The following SLC24A2 variants were observed in gnomAD, a reference collection of about 807,000 sequenced individuals.
SLC24A2 encodes the protein sodium/potassium/calcium exchanger 2.
A neutral mutation model predicts 62.0 loss-of-function variants in SLC24A2; 36 were observed. The observed-to-expected ratio is 0.58, with a 90% confidence interval of 0.44 to 0.77. The LOEUF (loss-of-function observed/expected upper bound fraction) is 0.77. Among genes scored for constraint, SLC24A2 ranks in the 30% least tolerant of loss-of-function variants. The probability of loss-of-function intolerance (pLI) is 0.00; values close to 1 mark genes in which losing one functional copy is unlikely to be tolerated. For missense variants in SLC24A2, 846 were observed against 817.9 expected (o/e 1.03, Z -0.42); for synonymous variants, 358 against 294.0 (o/e 1.22, Z -2.23).
At chr9:20,174,651 A>G in the SLC24A2 span, among the ~76,000 whole-genome samples, 36,661 of 151,988 alleles carry the variant, frequency 0.24, 5,330 homozygotes, top group African/African-American at 0.41. Flanking sequence ...CCACAATGCA[A>G]TACCGCCTTA....
chr9:19,644,281 G>A (rs1818581237), intron 2 of SLC24A2, among the ~76,000 whole-genome samples: 1 of 152,206 alleles, frequency 6.6e-6, no homozygotes, highest in African/African-American at 2.4e-5. Context: ...TCCAATTCAT[G>A]TGAATGCAGG....
the SLC24A2 span, among the ~76,000 whole-genome samples, chr9:19,943,662 T>A: frequency 2.0e-5 from 3 of 152,348 alleles, no homozygotes; most frequent in Admixed American, 2.0e-4. Flanking sequence ...TCTGCTAATC[T>A]ATCTGTATTT....
At chr9:20,050,597 C>G in the SLC24A2 span, among the ~76,000 whole-genome samples, 1 of 152,120 alleles carries the variant, frequency 6.6e-6, no homozygotes, top group Non-Finnish European at 1.5e-5. Flanking sequence ...ATGACTTTAT[C>G]CTCACATCAA....
At chr9:19,866,921 C>T in the SLC24A2 span, among the ~76,000 whole-genome samples, 1 of 151,734 alleles carries the variant, frequency 6.6e-6, no homozygotes, top group East Asian at 1.9e-4. Context: ...GGGAAGGGTA[C>T]TGGGGGGGTT....
the SLC24A2 span, among the ~76,000 whole-genome samples, chr9:20,217,152 G>C: frequency 1.3e-5 from 2 of 152,174 alleles, no homozygotes; most frequent in Admixed American, 6.5e-5. Flanking sequence ...TGAAAAATCT[G>C]TACCTACACT....
intron 4 of SLC24A2, among the ~76,000 whole-genome samples, chr9:19,610,682 A>G (rs932575453): frequency 5.3e-5 from 8 of 152,024 alleles, no homozygotes; most frequent in African/African-American, 1.7e-4. Flanking sequence ...TGCTGGTACT[A>G]TACAATGGTG....
rs371344977 is a variant in SLC24A2, at chr9:19,586,835, T to G, written c.1130-9813A>C. ...TCAATCTCATATATACAGATACAAA[T>G]GGCTCACACAAAGAAATTCTCAGAG... On this transcript the variant is annotated intron_variant, in intron 5 of 10. Transcript: ENST00000341998. Among the ~76,000 whole-genome samples the G allele has an allele frequency of 3.3e-5, 5 of 152,298 alleles. No homozygotes were observed. The East Asian group carries it at 7.7e-4, about 24-fold the overall frequency.
At chr9:19,815,711 A>G in the SLC24A2 span, among the ~76,000 whole-genome samples, 1 of 152,108 alleles carries the variant, frequency 6.6e-6, no homozygotes, top group East Asian at 1.9e-4. Context: ...AAATTCTTTC[A>G]TATATATGGT....
At chr9:19,924,090 C>T in the SLC24A2 span, among the ~76,000 whole-genome samples, 27 of 152,152 alleles carry the variant, frequency 1.8e-4, no homozygotes, top group African/African-American at 6.0e-4. Context: ...GTGTTCACTC[C>T]GTTATGCCAC....
chr9:20,290,869 C>A, the SLC24A2 span, among the ~76,000 whole-genome samples: 1 of 152,278 alleles, frequency 6.6e-6, no homozygotes, highest in East Asian at 1.9e-4. Flanking sequence ...CCAGGAGGCA[C>A]AGATAAGGTA....
At chr9:20,038,251 T>G in the SLC24A2 span, among the ~76,000 whole-genome samples, 1 of 152,178 alleles carries the variant, frequency 6.6e-6, no homozygotes, top group Non-Finnish European at 1.5e-5. Flanking sequence ...AAGCTTCAAT[T>G]TCTTTGTCTG....
At chr9:19,886,111 C>T in the SLC24A2 span, among the ~76,000 whole-genome samples, 1 of 152,152 alleles carries the variant, frequency 6.6e-6, no homozygotes, top group Non-Finnish European at 1.5e-5. Context: ...TTGGTATAGA[C>T]CTAATAATAC....
the SLC24A2 span, among the ~76,000 whole-genome samples, chr9:19,897,616 T>A: frequency 1.3e-5 from 2 of 152,214 alleles, no homozygotes; most frequent in Non-Finnish European, 1.5e-5. Context: ...TATATTTGAT[T>A]TTTTAAAGTT....
chr9:19,737,423 G>A (rs1447062043), intron 2 of SLC24A2, among the ~76,000 whole-genome samples: 1 of 151,988 alleles, frequency 6.6e-6, no homozygotes, highest in Non-Finnish European at 1.5e-5. Context: ...TGTGAATGAT[G>A]GTGTCATAAA....
chr9:20,108,186 T>C, the SLC24A2 span, among the ~76,000 whole-genome samples: 1 of 151,960 alleles, frequency 6.6e-6, no homozygotes, highest in Admixed American at 6.6e-5. Context: ...ATCATTAAAA[T>C]TTCAGGAAAC....
the SLC24A2 span, among the ~76,000 whole-genome samples, chr9:19,898,099 C>T: frequency 1.3e-5 from 2 of 152,114 alleles, no homozygotes; most frequent in Non-Finnish European, 2.9e-5. Context: ...TAGAATAATC[C>T]GTAGCCACTT....
At chr9:19,825,314 C>G in the SLC24A2 span, among the ~76,000 whole-genome samples, 14 of 152,206 alleles carry the variant, frequency 9.2e-5, no homozygotes, top group Non-Finnish European at 1.8e-4. Context: ...TTTATTTTGC[C>G]TGGAGTAATT....
the SLC24A2 span, among the ~76,000 whole-genome samples, chr9:20,161,553 T>TG: frequency 1.3e-5 from 2 of 151,416 alleles, no homozygotes; most frequent in Non-Finnish European, 3.0e-5. Flanking sequence ...ATCTAAGGGA[T>TG]GAAAGGATGG....
chr9:20,218,518 TA>T, the SLC24A2 span, among the ~76,000 whole-genome samples: 1 of 152,166 alleles, frequency 6.6e-6, no homozygotes, highest in Non-Finnish European at 1.5e-5. Context: ...GTCTCTACTC[TA>T]TATCTAGAAT....
Sources: allele counts gnomAD v4.1 joint callset (sites outside exome capture counted in the v4.1 genomes callset), GRCh38; gene constraint gnomAD v4.1.1; transcripts MANE v1.5; gene names NCBI Gene and HGNC (gene_info 2026-07-23, HGNC 2026-07-21).